The following PLA2G7 variants were observed in gnomAD, a reference collection of about 807,000 sequenced individuals.
The protein encoded by PLA2G7 is phospholipase A2 group VII.
Under a neutral mutation model 49.6 loss-of-function variants are expected in PLA2G7, and 63 were observed. That is an observed-to-expected ratio of 1.27 (90% CI 1.04 to 1.57). PLA2G7 has a LOEUF of 1.57. Ranked by LOEUF, PLA2G7 falls within the 40% of genes most tolerant of loss-of-function variation. The probability of loss-of-function intolerance (pLI) is 0.00; values close to 1 mark genes in which losing one functional copy is unlikely to be tolerated. For synonymous variants in PLA2G7, 193 were observed against 169.9 expected, an observed-to-expected ratio of 1.14 and a Z score of -1.06; for missense variants, 596 against 521.2, an observed-to-expected ratio of 1.14 and a Z score of -1.40.
chr6:46,723,001 G>A, intron 1 of PLA2G7, 76 bp from the exon 2 acceptor site: 2 of 714,158 alleles, frequency 2.8e-6, no homozygotes, highest in South Asian at 3.0e-5. Flanking sequence ...ATCAAGAAAG[G>A]CTGAGGTACT....
rs765725989 is a variant in PLA2G7, at chr6:46,717,092, C to T, written c.114G>A (p.Trp38Ter). 5.6e-6 allele frequency: 9 copies of T among 1,613,314 alleles called. No homozygotes were observed. The highest frequency in any genetic ancestry group is 7.6e-6 in the Non-Finnish European group (9 of 1,179,304). The change falls in exon 3 of 12, where the codon TGG becomes TGA. Residue 38 changes from tryptophan to a stop codon, truncating the protein, a stop_gained. Coordinates refer to ENST00000274793, the MANE Select transcript of PLA2G7 (RefSeq NM_005084.4). LOFTEE classifies it high-confidence loss of function. Reference protein sequence around the residue: ...NPVAHMKSSAWVNKIQVLMAA... With the variant: ...NPVAHMKSSA ...CCATCAGTACTTGTATTTTGTTGAC[C>T]CATGCTGAAAAACAGGTAAATATTA...
Position 46,735,163 on chromosome 6 carries a change from C to G in PLA2G7, c.-35+17G>C, listed in dbSNP as rs917503600. The G allele has an allele frequency of 6.6e-6, 1 of 152,140 alleles. No individual in the cohort carries two copies. The highest frequency in any genetic ancestry group is 1.5e-5 in the Non-Finnish European group (1 of 68,030). 9.4% of individuals were successfully genotyped at this position (152,140 alleles called of 1,614,324 possible). A position where few individuals can be genotyped will look rare whatever the true frequency, so the allele number is the denominator to read the frequency against. On this transcript the variant is annotated intron_variant, in intron 1 of 11. Transcript: ENST00000274793. Reference sequence around the variant, plus strand: ...CCTTCCTCCCACTCCCGCCTCGCCCCCGGGGCCCCTCCTCACTCAGGCGCG... The same window carrying G: ...CCTTCCTCCCACTCCCGCCTCGCCCGCGGGGCCCCTCCTCACTCAGGCGCG...
intron 1 of PLA2G7, among the ~76,000 whole-genome samples, chr6:46,724,694 A>G (rs1327129779): frequency 6.6e-6 from 1 of 152,204 alleles, no homozygotes; most frequent in Non-Finnish European, 1.5e-5. Flanking sequence ...CTTAGAAATC[A>G]TGTGCTGATG....
Position 46,704,441 on chromosome 6 carries a change from TTCTCTCTCTCTCTCTCTC to T in PLA2G7, c.*101_*118del. 1 of 552,348 alleles carries T rather than the reference TTCTCTCTCTCTCTCTCTC, an allele frequency of 1.8e-6. No individual in the cohort carries two copies. 34.2% of individuals were successfully genotyped at this position (552,348 alleles called of 1,614,324 possible). A position where few individuals can be genotyped will look rare whatever the true frequency, so the allele number is the denominator to read the frequency against. On this transcript the variant is annotated 3_prime_UTR_variant, in exon 12 of 12. Transcript: ENST00000274793. ...AGTCCTTTGGGAAAATACATTAAAA[TTCTCTCTCTCTCTCTCTC>T]TCTCTCTCTCTCTCTCTCTCACACA...
chr6:46,724,117 C>CTT lies in PLA2G7; in HGVS notation c.-34-1194_-34-1193dup, dbSNP rs571265714. 2.6e-5 allele frequency among the ~76,000 whole-genome samples: 4 copies of CTT among 152,328 alleles called. No homozygotes were observed. The South Asian group carries it at 8.3e-4, about 32-fold the overall frequency. ...CTCCAGTGATACTTTCTCAGTGACA[C>CTT]TTTCCCGGTTCAATCTATTTAAAAT... On this transcript the variant is annotated intron_variant, in intron 1 of 11. Transcript: ENST00000274793.
rs575332314 is a variant in PLA2G7, at chr6:46,731,036, C to T, written c.-35+4144G>A. Among the ~76,000 whole-genome samples the T allele has an allele frequency of 2.0e-5, 3 of 152,342 alleles. No individual in the cohort carries two copies. In the South Asian group the frequency reaches 6.2e-4, roughly 32 times the overall value. On this transcript the variant is annotated intron_variant, in intron 1 of 11. Coordinates refer to ENST00000274793, the MANE Select transcript of PLA2G7 (RefSeq NM_005084.4). ...TAGGGACTATTAAGTCACGAGCTGA[C>T]ATTTCTGCTGCCCACAATACAAATG...
chr6:46,717,096 G>A lies in PLA2G7; in HGVS notation c.110C>T (p.Ala37Val), dbSNP rs758982405. ...CAGTACTTGTATTTTGTTGACCCAT[G>A]CTGAAAAACAGGTAAATATTATCTC... The part of the protein sequence containing the change: ...INPVAHMKSS[A>V]WVNKIQVLMA... The change falls in exon 3 of 12, where the codon GCA becomes GTA. Residue 37 changes from alanine to valine, a missense_variant and splice_region_variant. By Grantham distance (64) the Ala-to-Val change is moderately conservative. Transcript: ENST00000274793. 2 of 1,612,706 alleles carry A rather than the reference G, an allele frequency of 1.2e-6. No homozygotes were observed. Among genetic ancestry groups the A allele is most frequent in the Admixed American group, 1.7e-5 (1 of 60,028 alleles).
At position 46,722,877 on chromosome 6, in the gene PLA2G7, T is replaced by G. The variant is rs756853661; in HGVS notation, c.15A>C (p.Lys5Asn). 1.2e-6 allele frequency: 2 copies of G among 1,612,256 alleles called. No individual in the cohort carries two copies. The highest frequency in any genetic ancestry group is 3.3e-5 in the Admixed American group (2 of 59,970). ...CGCAGAGGCAGAAAAGCACATGCAA[T>G]TTGGGTGGCACCATCTTGGGAGCTG... MVPP[K>N]LHVLFCLCGC... Residue 5 changes from lysine to asparagine, a missense_variant, in exon 2 of 12, where the codon AAA becomes AAC. Physicochemically the swap from Lys to Asn is moderately conservative, Grantham distance 94. Coordinates refer to ENST00000274793, the MANE Select transcript of PLA2G7 (RefSeq NM_005084.4).
chr6:46,711,602 G>T lies in PLA2G7; in HGVS notation c.557C>A (p.Ala186Glu). 2 of 1,613,520 alleles carry T rather than the reference G, an allele frequency of 1.2e-6. No homozygotes were observed. Among genetic ancestry groups the T allele is most frequent in the South Asian group, 1.1e-5 (1 of 91,066 alleles). ...AGATTGGTCCTTGAAATAGTAAGTT[G>T]CAGATGCAGATCTATCTCTATAATA... ...AVEHRDRSAS[A>E]TYYFKDQSAA... Residue 186 changes from alanine (A) to glutamate (E), a missense_variant, in exon 7 of 12, where the codon GCA becomes GAA. Transcript: ENST00000274793.
chr6:46,705,001 CTT>C (rs1304049333), intron 11 of PLA2G7, 150 bp downstream of exon 11: 70 of 665,152 alleles, frequency 1.1e-4, no homozygotes, highest in Middle Eastern at 4.1e-4. Context: ...GCAAAATTGA[CTT>C]TCTCAAATTT....
rs374640881 is a variant in PLA2G7, at chr6:46,710,672, T to C, written c.664-14A>G. The C allele has an allele frequency of 1.3e-6, 2 of 1,556,472 alleles. No homozygotes were observed. Among genetic ancestry groups the C allele is most frequent in the Non-Finnish European group, 1.8e-6 (2 of 1,127,496 alleles). ...TCTTTGCCGTACCTAATATAATTAT[T>C]AGAAGAAGGAAATGACAAAGTAAAA... On this transcript the variant is annotated splice_polypyrimidine_tract_variant and intron_variant, in intron 7 of 11. Coordinates refer to ENST00000274793, the MANE Select transcript of PLA2G7 (RefSeq NM_005084.4).
At chr6:46,704,780 T>G (rs764076206) in intron 11 of PLA2G7, 84 bp from the exon 12 acceptor site, 92 of 839,806 alleles carry the variant, frequency 1.1e-4, no homozygotes, top group Non-Finnish European at 1.7e-4. Flanking sequence ...AATAAAGATT[T>G]ACAAATTACA....
intron 1 of PLA2G7, among the ~76,000 whole-genome samples, chr6:46,730,163 G>T (rs1418629132): frequency 6.6e-6 from 1 of 152,170 alleles, no homozygotes; most frequent in Non-Finnish European, 1.5e-5. Flanking sequence ...AATGATGAGG[G>T]AACAAGGCAG....
At position 46,711,496 on chromosome 6, in the gene PLA2G7, C is replaced by T; in HGVS notation, c.663G>A (p.Gln221=). 2 of 1,613,582 alleles carry T rather than the reference C, an allele frequency of 1.2e-6. No homozygotes were observed. The highest frequency in any genetic ancestry group is 1.7e-6 in the Non-Finnish European group (2 of 1,179,582). ...CACCTCTCCTTTCACTGCAATGTAC[C>T]TGCTCATTTCGTATATGTGTCTCCT... ...QEEETHIRNE[Q]VRQRAKECSQ... is the part of the protein sequence containing the mutation. Residue 221 remains glutamine, a splice_region_variant and synonymous_variant, in exon 7 of 12, where the codon CAG becomes CAA. Transcript: ENST00000274793.
chr6:46,714,247 T>C (rs1765123170), intron 5 of PLA2G7, among the ~76,000 whole-genome samples: 1 of 152,166 alleles, frequency 6.6e-6, no homozygotes, highest in Non-Finnish European at 1.5e-5. Flanking sequence ...TTCTCTGCTG[T>C]GAGGCTAATC....
Position 46,708,094 on chromosome 6 carries a change from G to A in PLA2G7, c.937C>T (p.Pro313Ser). ...TATTCAGAGTTGATAAAAAAGAGGGGCTGAGGAATTCTGGAATATACTTCA... is the reference window on the plus strand; with the variant it reads ...TATTCAGAGTTGATAAAAAAGAGGGACTGAGGAATTCTGGAATATACTTCA... The part of the protein sequence containing the change: ...GDEVYSRIPQ[P>S]LFFINSEYFQ... The change falls in exon 10 of 12, where the codon CCC (proline) becomes TCC (serine). Residue 313 changes from proline (P) to serine (S), a missense_variant. Physicochemically the swap from Pro to Ser is moderately conservative, Grantham distance 74 (BLOSUM62 -1). Transcript: ENST00000274793. 6.2e-7 allele frequency: 1 copy of A among 1,608,952 alleles called. No individual in the cohort carries two copies. Among genetic ancestry groups the A allele is most frequent in the Non-Finnish European group, 8.5e-7 (1 of 1,175,496 alleles).
In PLA2G7 at chr6:46,722,883, TG is replaced by T. The variant is rs746588766; in HGVS notation, c.8del (p.Pro3HisfsTer25). 82 of 1,610,156 alleles carry T rather than the reference TG, an allele frequency of 5.1e-5. No homozygotes were observed. In the Admixed American group the frequency reaches 1.4e-3, roughly 27 times the overall value. On this transcript the variant is annotated frameshift_variant, in exon 2 of 12. Coordinates refer to ENST00000274793, the MANE Select transcript of PLA2G7 (RefSeq NM_005084.4). LOFTEE classifies it high-confidence loss of function. ...GGCAGAAAAGCACATGCAATTTGGG[TG>T]GCACCATCTTGGGAGCTGAGCAGCA... MV[P>X]PKLHVLFCLC... is the part of the protein sequence containing the mutation.
At chr6:46,718,396 A>G (rs1412796569) in intron 2 of PLA2G7, among the ~76,000 whole-genome samples, 1 of 152,236 alleles carries the variant, frequency 6.6e-6, no homozygotes, top group African/African-American at 2.4e-5. Context: ...CTATCCTTCC[A>G]GTGCTCTGGG....
intron 9 of PLA2G7, 131 bp downstream of exon 9, chr6:46,709,196 G>A (rs1231376621): frequency 4.6e-6 from 3 of 648,022 alleles, no homozygotes; most frequent in African/African-American, 1.8e-5. Context: ...ATTTTATGGG[G>A]GCAAAAGAAT....
Sources: gnomAD v4.1 joint callset for allele counts (sites outside exome capture counted in the v4.1 genomes callset) on GRCh38, gnomAD v4.1.1 for gene constraint, MANE v1.5 for transcripts, NCBI Gene and HGNC (gene_info 2026-07-23, HGNC 2026-07-21) for gene names.